The following CLASP2 variants were observed in gnomAD, a reference collection of about 807,000 sequenced individuals.
CLASP2 encodes CLIP-associating protein 2.
CLASP2 carries 47 observed loss-of-function variants against 194.4 expected under a neutral mutation model. The ratio of observed to expected loss-of-function variants is 0.24; its 90% CI spans 0.19 to 0.31. The LOEUF is 0.31. Ranked by LOEUF, CLASP2 falls within the 10% of genes least tolerant of loss-of-function variation. The probability of loss-of-function intolerance (pLI) is 1.00; values close to 1 mark genes in which losing one functional copy is unlikely to be tolerated. For synonymous variants in CLASP2, 619 were observed against 633.5 expected, an observed-to-expected ratio of 0.98 and a Z score of 0.34; for missense variants, 1,445 against 1,823.6, an observed-to-expected ratio of 0.79 and a Z score of 3.78.
intron 17 of CLASP2, 30 bp downstream of exon 17, chr3:33,604,124 G>A (rs752637548): frequency 6.7e-7 from 1 of 1,488,436 alleles, no homozygotes; most frequent in Non-Finnish European, 9.2e-7. Flanking sequence ...GATAAAATAG[G>A]TTATAACTCT....
chr3:33,597,758 T>TTC (rs1553823100), intron 18 of CLASP2, among the ~76,000 whole-genome samples: 1 of 141,886 alleles, frequency 7.0e-6, no homozygotes, highest in Non-Finnish European at 1.5e-5. Context: ...TTTTCTTTCT[T>TTC]TTTTTTTTTT....
chr3:33,516,080 G>A lies in CLASP2; in HGVS notation c.4053C>T (p.Asn1351=). 1 of 1,610,338 alleles carries A rather than the reference G, an allele frequency of 6.2e-7. No homozygotes were observed. The change falls in exon 36 of 39, where the codon AAC becomes AAT. Residue 1351 remains asparagine, a synonymous_variant. Transcript: ENST00000682230. The part of the protein sequence containing the change: ...ILRHQPARFK[N]YAELTVMKTL... ...TTTTCATGACAGTCAATTCTGCATA[G>A]TTTTTAAATCTTGCTGGTTGATGCC...
At chr3:33,607,948 T>C (rs1174651138) in intron 14 of CLASP2, among the ~76,000 whole-genome samples, 1 of 152,178 alleles carries the variant, frequency 6.6e-6, no homozygotes, top group Non-Finnish European at 1.5e-5. Context: ...AAAATGAGCT[T>C]TAAGAATTCA....
At position 33,626,867 on chromosome 3, in the gene CLASP2, T is replaced by C. The variant is rs1463628589; in HGVS notation, c.1035+121A>G. ...CAATATATTCTCCAGAAAGAAATGT[T>C]ACCTATCAGACTCTCTATTTTATAA... is the stretch of plus-strand genomic sequence containing the variant. On this transcript the variant is annotated intron_variant, in intron 10 of 38. Coordinates refer to ENST00000682230, the MANE Select transcript of CLASP2 (RefSeq NM_001365631.1). 5.0e-6 allele frequency: 3 copies of C among 601,874 alleles called. No homozygotes were observed. The African/African-American group carries it at 5.6e-5, about 11-fold the overall frequency. The allele number at this position is 601,874 out of a possible 1,614,324, so 37.3% of individuals were successfully genotyped here.
chr3:33,654,766 T>C (rs1015706653), intron 7 of CLASP2, among the ~76,000 whole-genome samples: 14 of 152,180 alleles, frequency 9.2e-5, no homozygotes, highest in Middle Eastern at 3.2e-3. Context: ...CACATGCAGA[T>C]GCAGTATTCT....
At chr3:33,564,502 T>C (rs1049814662) in intron 27 of CLASP2, among the ~76,000 whole-genome samples, 3 of 152,222 alleles carry the variant, frequency 2.0e-5, no homozygotes, top group Non-Finnish European at 2.9e-5. Context: ...AGTAGAAATT[T>C]GTTTTGATTA....
In CLASP2 at chr3:33,645,974, AC is replaced by A. The variant is rs1201982052; in HGVS notation, c.716-1072del. Among the ~76,000 whole-genome samples, 65 of 139,560 alleles carry A rather than the reference AC, an allele frequency of 4.7e-4. 2 individuals carry two copies. The highest frequency in any genetic ancestry group is 2.1e-3 in the Admixed American group (28 of 13,406). 91.6% of individuals were successfully genotyped at this position (139,560 alleles called of 152,430 possible). A position where few individuals can be genotyped will look rare whatever the true frequency, so the allele number is the denominator to read the frequency against. On this transcript the variant is annotated intron_variant, in intron 7 of 38. Transcript: ENST00000682230. ...CACACACACACACACACACACACAC[AC>A]AATGTATTTTACTCTCCTGAGAAGA...
intron 18 of CLASP2, among the ~76,000 whole-genome samples, chr3:33,597,134 C>G (rs949636046): frequency 6.6e-6 from 1 of 152,124 alleles, no homozygotes; most frequent in Non-Finnish European, 1.5e-5. Context: ...CTTAGGCCCT[C>G]TCATCATTAG....
chr3:33,674,404 A>C (rs918512995), intron 6 of CLASP2, among the ~76,000 whole-genome samples: 2 of 151,698 alleles, frequency 1.3e-5, no homozygotes, highest in African/African-American at 2.4e-5. Flanking sequence ...ACGAGAACAA[A>C]GACACAACAT....
At chr3:33,622,763 G>GGCTTCTTTTAAAGGAAACTTAAAAGT (rs1404011802) in intron 10 of CLASP2, among the ~76,000 whole-genome samples, 1 of 151,742 alleles carries the variant, frequency 6.6e-6, no homozygotes, top group Admixed American at 6.6e-5. Context: ...ATTTTTAAAA[G>GGCTTCTTTTAAAGGAAACTTAAAAGT]TGCCAAATTT....
At chr3:33,694,623 G>A (rs1041485041) in intron 2 of CLASP2, among the ~76,000 whole-genome samples, 3 of 152,104 alleles carry the variant, frequency 2.0e-5, no homozygotes, top group Admixed American at 1.3e-4. Context: ...TGGGGGTGGA[G>A]GAGGTTTTAC....
At chr3:33,712,418 C>T (rs1290128711) in intron 1 of CLASP2, among the ~76,000 whole-genome samples, 1 of 152,114 alleles carries the variant, frequency 6.6e-6, no homozygotes, top group Non-Finnish European at 1.5e-5. Flanking sequence ...GCTTGGATGA[C>T]AGGTGCACTA....
In CLASP2 at chr3:33,516,104, C is replaced by T; in HGVS notation, c.4029G>A (p.Arg1343=). ...LALKVLREIL[R]HQPARFKNYA... is the part of the protein sequence containing the mutation. ...AGTTTTTAAATCTTGCTGGTTGATG[C>T]CTTAGGATTTCTCTTAAAACCTTTA... The change falls in exon 36 of 39, where the codon AGG becomes AGA. Residue 1343 remains arginine (R), a synonymous_variant. Transcript: ENST00000682230. 1 of 1,609,666 alleles carries T rather than the reference C, an allele frequency of 6.2e-7. No homozygotes were observed. Among genetic ancestry groups the T allele is most frequent in the Non-Finnish European group, 8.5e-7 (1 of 1,177,726 alleles).
intron 2 of CLASP2, among the ~76,000 whole-genome samples, chr3:33,694,534 A>T (rs1234092579): frequency 6.6e-6 from 1 of 152,230 alleles, no homozygotes; most frequent in Admixed American, 6.5e-5. Context: ...GCTGAAATTG[A>T]GCCAGTTTAA....
Position 33,607,472 on chromosome 3 carries a change from A to T in CLASP2, c.1449-11T>A, listed in dbSNP as rs2074129199. 6.3e-7 allele frequency: 1 copy of T among 1,583,184 alleles called. No homozygotes were observed. The highest frequency in any genetic ancestry group is 8.6e-7 in the Non-Finnish European group (1 of 1,159,856). On this transcript the variant is annotated splice_polypyrimidine_tract_variant and intron_variant, in intron 14 of 38. Coordinates refer to ENST00000682230, the MANE Select transcript of CLASP2 (RefSeq NM_001365631.1). ...AAGACGGCTGCATGTCTATAAAATA[A>T]AATACATCTTTAGAGTTATGATATA...
At chr3:33,541,337 T>TC (rs2058326176) in intron 32 of CLASP2, among the ~76,000 whole-genome samples, 1 of 152,068 alleles carries the variant, frequency 6.6e-6, no homozygotes, top group Non-Finnish European at 1.5e-5. Context: ...TAAAAAAACT[T>TC]TTAAGTTCAG....
intron 29 of CLASP2, among the ~76,000 whole-genome samples, chr3:33,557,781 C>T (rs1396223076): frequency 2.6e-5 from 4 of 152,178 alleles, no homozygotes; most frequent in Non-Finnish European, 5.9e-5. Context: ...AAATCTCTTT[C>T]CCCAAGCAGC....
At chr3:33,574,395 A>C in intron 24 of CLASP2, 1 of 827,108 alleles carries the variant, frequency 1.2e-6, no homozygotes, top group Non-Finnish European at 1.8e-6. Flanking sequence ...TTTTAATAGA[A>C]GACCATCATT....
In CLASP2 at chr3:33,529,688, T is replaced by A. The variant is rs181775664; in HGVS notation, c.3787+5545A>T. ...CTTCCACCTCCACATCTTGTCCCAC[T>A]AAAAGATCTTCGGCCGGGCGCGGTG... On this transcript the variant is annotated intron_variant, in intron 34 of 38. Transcript: ENST00000682230. Among the ~76,000 whole-genome samples the A allele has an allele frequency of 6.6e-5, 10 of 152,252 alleles. No individual in the cohort carries two copies. In the East Asian group the frequency reaches 1.9e-3, roughly 29 times the overall value.
Sources: gnomAD v4.1 joint callset for allele counts (sites outside exome capture counted in the v4.1 genomes callset) on GRCh38, gnomAD v4.1.1 for gene constraint, MANE v1.5 for transcripts, NCBI Gene and HGNC (gene_info 2026-07-23, HGNC 2026-07-21) for gene names.